AHCTF1: variants seen among roughly 807,000 people sequenced by gnomAD.
AHCTF1 encodes the protein AT-hook containing transcription factor 1.
In AHCTF1, 24 loss-of-function variants were observed where a neutral mutation model predicts 248.4. The ratio of observed to expected loss-of-function variants is 0.10; its 90% confidence interval spans 0.07 to 0.14. The LOEUF (loss-of-function observed/expected upper bound fraction) is 0.14, where lower values mean the gene tolerates loss of function less well. Ranked by LOEUF, AHCTF1 falls within the 10% of genes least tolerant of loss-of-function variation. The pLI, the probability that AHCTF1 is intolerant of heterozygous loss-of-function variation, is 1.00. For synonymous variants in AHCTF1, 786 were observed against 929.8 expected (o/e 0.85, Z 2.81); for missense variants, 2,206 against 2,636.2 (o/e 0.84, Z 3.57).
chr1:246,860,133 G>A (rs759676665), intron 29 of AHCTF1, among the ~76,000 whole-genome samples: 4 of 151,448 alleles, frequency 2.6e-5, no homozygotes, highest in African/African-American at 7.3e-5. Flanking sequence ...GGTGGGGGGC[G>A]ACTATAGTCC....
rs142338484 is a variant in AHCTF1 at position 246,864,019 on chromosome 1, G to T, written c.3445C>A (p.Arg1149Ser). ...SMKSPLYLVS[R>S]SLPSSSQLKG... ...AATTGCGAACTTGAGGGCAGTGAAC[G>T]GGATACTAGGTACAAAGGAGATTTC... The change falls in exon 27 of 36, where the codon CGT becomes AGT. Residue 1149 changes from arginine to serine, a missense_variant. Physicochemically the swap from Arg to Ser is moderately radical, Grantham distance 110. This residue lies in a region of AHCTF1 where 955 missense variants were observed against 1,055.6 expected (regional missense o/e 0.90). Transcript: ENST00000648844. The T allele has an allele frequency of 2.5e-5, 41 of 1,613,970 alleles. No homozygotes were observed. Among genetic ancestry groups the T allele is most frequent in the South Asian group, 2.3e-4 (21 of 91,080 alleles).
At chr1:246,891,285 A>C (rs934171226) in intron 15 of AHCTF1, among the ~76,000 whole-genome samples, 2 of 152,176 alleles carry the variant, frequency 1.3e-5, no homozygotes, top group African/African-American at 4.8e-5. Flanking sequence ...TAAAATAAGT[A>C]AGTCACTCCC....
chr1:246,867,900 C>CCT (rs1662114351), intron 24 of AHCTF1, 89 bp from the exon 25 acceptor site: 1 of 532,522 alleles, frequency 1.9e-6, no homozygotes, highest in East Asian at 4.7e-5. Context: ...CACCCCCCCC[C>CCT]CCACACACAC....
chr1:246,886,604 A>G (rs910458843), intron 20 of AHCTF1, among the ~76,000 whole-genome samples: 6 of 152,110 alleles, frequency 3.9e-5, no homozygotes, highest in Non-Finnish European at 7.3e-5. Flanking sequence ...TTTCCCCTGA[A>G]TATTTCTGAT....
intron 26 of AHCTF1, among the ~76,000 whole-genome samples, chr1:246,866,272 G>A (rs1277965062): frequency 6.6e-6 from 1 of 152,056 alleles, no homozygotes; most frequent in East Asian, 1.9e-4. Flanking sequence ...ATTGCTCCCC[G>A]CAACCTCAGA....
chr1:246,894,593 A>G, intron 14 of AHCTF1, 66 bp downstream of exon 14: 4 of 1,251,178 alleles, frequency 3.2e-6, no homozygotes, highest in Non-Finnish European at 1.1e-6. Context: ...TATGTACTTA[A>G]GACATAAACC....
At position 246,851,791 on chromosome 1, in the gene AHCTF1, A is replaced by G. The variant is rs114659015; in HGVS notation, c.4564-349T>C. 5.5e-3 allele frequency: 1,039 copies of G among 190,082 alleles called. 7 individuals carry two copies. Among genetic ancestry groups the G allele is most frequent in the African/African-American group, 0.022 (942 of 42,650 alleles). 11.8% of individuals were successfully genotyped at this position (190,082 alleles called of 1,614,324 possible). On this transcript the variant is annotated intron_variant, in intron 32 of 35. Coordinates refer to ENST00000648844, the MANE Select transcript of AHCTF1 (RefSeq NM_001323342.2). The stretch of plus-strand genomic sequence containing the variant: ...TCACCCAAGAAAAAAAATTAACCGG[A>G]AAAAACAGAAACAACCCCCAAACTG...
chr1:246,891,973 A>G, intron 14 of AHCTF1, 54 bp from the exon 15 acceptor site: 2 of 1,526,824 alleles, frequency 1.3e-6, no homozygotes, highest in Non-Finnish European at 1.8e-6. Flanking sequence ...TAAATAAATT[A>G]GAATCACAAT....
chr1:246,891,723 C>A, intron 15 of AHCTF1, 56 bp downstream of exon 15: 2 of 1,570,044 alleles, frequency 1.3e-6, no homozygotes, highest in South Asian at 2.3e-5. Flanking sequence ...ATTCGTTTCT[C>A]TTAGTCAAGA....
In AHCTF1 at chr1:246,916,147, C is replaced by T; in HGVS notation, c.370G>A (p.Gly124Arg). The T allele has an allele frequency of 6.2e-7, 1 of 1,613,114 alleles. No homozygotes were observed. The highest frequency in any genetic ancestry group is 1.3e-5 in the African/African-American group (1 of 75,000). ...SKVVKAVVLP[G>R]RVTAIEPIIN... ...GTATCTTAAACAGTACCTACCCTTCCAGGAAGAACAACTGCTTTAACTACT... is the reference window on the plus strand; with the variant it reads ...GTATCTTAAACAGTACCTACCCTTCTAGGAAGAACAACTGCTTTAACTACT... The change falls in exon 3 of 36, where the codon GGA becomes AGA. Residue 124 changes from glycine (G) to arginine (R), a missense_variant. Around this residue, in one of 6 missense-constraint regions of AHCTF1, gnomAD observed 34 missense variants for 97.2 expected, o/e 0.35. Transcript: ENST00000648844.
At chr1:246,868,723 ATCT>A (rs1171381609) in intron 24 of AHCTF1, among the ~76,000 whole-genome samples, 1 of 151,230 alleles carries the variant, frequency 6.6e-6, no homozygotes, top group Non-Finnish European at 1.5e-5. Flanking sequence ...AAACAGTCAA[ATCT>A]TCTAAGAAAG....
intron 19 of AHCTF1, 115 bp from the exon 20 acceptor site, chr1:246,887,472 T>G: frequency 1.9e-6 from 2 of 1,078,062 alleles, no homozygotes; most frequent in African/African-American, 1.6e-5. Context: ...ATGCCTGTTT[T>G]TAGTGTTTAG....
chr1:246,901,029 T>C (rs566603667), intron 8 of AHCTF1, among the ~76,000 whole-genome samples: 86 of 151,736 alleles, frequency 5.7e-4, no homozygotes, highest in Non-Finnish European at 1.1e-3. Context: ...TATAAGGAAA[T>C]AGGAAGAATG....
rs752356538 is a variant in AHCTF1, at chr1:246,913,394, T to C, written c.394A>G (p.Ile132Val). 5.6e-6 allele frequency: 9 copies of C among 1,610,364 alleles called. No homozygotes were observed. The African/African-American group carries it at 9.4e-5, about 17-fold the overall frequency. The stretch of plus-strand genomic sequence containing the variant: ...GCACTGGCTCCTCCATGATTAATTA[T>C]AGGTTCAATAGCTGTTACCTAGAAA... ...LPGRVTAIEP[I>V]INHGGASAST... Residue 132 changes from isoleucine to valine, a missense_variant, in exon 4 of 36, where the codon ATA becomes GTA. This residue lies in a region of AHCTF1 where 34 missense variants were observed against 97.2 expected (regional missense o/e 0.35). Transcript: ENST00000648844.
intron 8 of AHCTF1, among the ~76,000 whole-genome samples, chr1:246,901,131 A>G (rs1480593257): frequency 6.6e-6 from 1 of 152,118 alleles, no homozygotes; most frequent in African/African-American, 2.4e-5. Flanking sequence ...TTGAGCCCAG[A>G]AATTCGAGAC....
At chr1:246,889,486 T>C (rs554616820) in intron 17 of AHCTF1, among the ~76,000 whole-genome samples, 12 of 152,342 alleles carry the variant, frequency 7.9e-5, no homozygotes, top group African/African-American at 2.9e-4. Flanking sequence ...AGATCTAGAA[T>C]TTTAAAATAT....
chr1:246,902,777 G>A, intron 7 of AHCTF1, 102 bp from the exon 8 acceptor site: 1 of 1,173,974 alleles, frequency 8.5e-7, no homozygotes, highest in South Asian at 2.3e-5. Flanking sequence ...ACAATACAAA[G>A]AAAACAATTT....
At chr1:246,884,165 C>T (rs1207465489) in intron 21 of AHCTF1, among the ~76,000 whole-genome samples, 1 of 152,166 alleles carries the variant, frequency 6.6e-6, no homozygotes, top group Non-Finnish European at 1.5e-5. Flanking sequence ...TTTGTTCTTA[C>T]AGTAAATCTT....
chr1:246,863,374 A>G (rs545086786), intron 27 of AHCTF1, among the ~76,000 whole-genome samples: 2 of 142,878 alleles, frequency 1.4e-5, no homozygotes, highest in African/African-American at 5.1e-5. Flanking sequence ...TAGTATGTTT[A>G]AAAAAAAAAA....
Sources: gnomAD v4.1 joint callset for allele counts (sites outside exome capture counted in the v4.1 genomes callset) on GRCh38, gnomAD v4.1.1 for gene constraint, gnomAD v4.1.1 regional missense constraint, MANE v1.5 for transcripts, NCBI Gene and HGNC (gene_info 2026-07-23, HGNC 2026-07-21) for gene names.